The following PCDH11X variants were observed in gnomAD, a reference collection of about 807,000 sequenced individuals.
PCDH11X encodes the protein protocadherin 11 X-linked, also known as protocadherin-11 X-linked.
Under a neutral mutation model 53.3 loss-of-function variants are expected in PCDH11X, and 18 were observed. The observed-to-expected ratio is 0.34, with a 90% confidence interval of 0.23 to 0.50. The LOEUF is 0.50. Among genes scored for constraint, PCDH11X ranks in the 20% least tolerant of loss-of-function variants. The pLI, the probability that PCDH11X is intolerant of heterozygous loss-of-function variation, is 0.98. For synonymous variants in PCDH11X, 279 were observed against 393.3 expected (o/e 0.71, Z 3.44); for missense variants, 570 against 1,032.4 (o/e 0.55, Z 6.14).
intron 6 of PCDH11X, among the ~76,000 whole-genome samples, chrX:91,933,725 T>C (rs954003950): frequency 2.7e-5 from 3 of 111,475 alleles, no homozygotes; most frequent in Non-Finnish European, 5.7e-5. Flanking sequence ...TAAGCAGTTA[T>C]TCCTAAATTT....
chrX:91,881,367 G>A (rs1939896149), intron 6 of PCDH11X, among the ~76,000 whole-genome samples: 1 of 111,053 alleles, frequency 9.0e-6, no homozygotes, highest in South Asian at 3.7e-4. Context: ...TCAGTTATTG[G>A]TTGTTATCAG....
intron 4 of PCDH11X, among the ~76,000 whole-genome samples, chrX:91,825,253 G>A (rs1305790902): frequency 9.1e-6 from 1 of 109,516 alleles, no homozygotes; most frequent in Non-Finnish European, 1.9e-5. Context: ...CCTGGGCAAT[G>A]GCGGGTGCCC....
chrX:91,950,607 TAC>T (rs1555970215), intron 6 of PCDH11X, among the ~76,000 whole-genome samples: 3 of 97,775 alleles, frequency 3.1e-5, no homozygotes, highest in African/African-American at 1.2e-4. Context: ...TATATATATA[TAC>T]ACACACACAT....
intron 10 of PCDH11X, among the ~76,000 whole-genome samples, chrX:92,545,707 G>T (rs1315162352): frequency 9.0e-6 from 1 of 111,125 alleles, no homozygotes; most frequent in African/African-American, 3.3e-5. Flanking sequence ...AGCCTCAAGG[G>T]TTAAATTCTT....
Position 91,808,319 on chromosome X carries a change from A to G in PCDH11X, c.-378-1147A>G, listed in dbSNP as rs951366327. 7.1e-4 allele frequency among the ~76,000 whole-genome samples: 77 copies of G among 108,084 alleles called. 1 individual carries two copies. The highest frequency in any genetic ancestry group is 2.5e-3 in the South Asian group (6 of 2,369). The allele number at this position is 108,084 out of a possible 115,157, so 93.9% of individuals were successfully genotyped here. A position where few individuals can be genotyped will look rare whatever the true frequency, so the allele number is the denominator to read the frequency against. On this transcript the variant is annotated intron_variant, in intron 1 of 10. Coordinates refer to ENST00000682573, the MANE Select transcript of PCDH11X (RefSeq NM_032968.5). ...AGACCAGCCTGGCCAACACGGTGAA[A>G]CCCTGTCTCAACTAAAAATACAAAA...
In PCDH11X at chrX:92,266,620, C is replaced by A. The variant is rs192804960; in HGVS notation, c.3144+3477C>A. Among the ~76,000 whole-genome samples, 220 of 111,988 alleles carry A rather than the reference C, an allele frequency of 2.0e-3. 2 individuals carry two copies. The highest frequency in any genetic ancestry group is 6.8e-3 in the African/African-American group (209 of 30,940). On this transcript the variant is annotated intron_variant, in intron 8 of 10. Coordinates refer to ENST00000682573, the MANE Select transcript of PCDH11X (RefSeq NM_032968.5). ...CACAGCAGAAAAGAAGCAAATGCCA[C>A]ATGTCATAGTTCATTCATTCTTTAA...
chrX:92,458,553 C>T (rs980336925), intron 9 of PCDH11X, among the ~76,000 whole-genome samples: 2 of 111,288 alleles, frequency 1.8e-5, no homozygotes, highest in African/African-American at 6.5e-5. Flanking sequence ...CAGCCTTTGG[C>T]AATCATCATT....
intron 8 of PCDH11X, among the ~76,000 whole-genome samples, chrX:92,274,418 G>T (rs2068032895): frequency 9.0e-6 from 1 of 111,091 alleles, no homozygotes; most frequent in South Asian, 3.8e-4. Flanking sequence ...ACTGTATTGA[G>T]GTGGGAAGGC....
chrX:92,456,185 A>C (rs1359114261), intron 9 of PCDH11X, among the ~76,000 whole-genome samples: 4 of 111,714 alleles, frequency 3.6e-5, no homozygotes, highest in Non-Finnish European at 7.5e-5. Flanking sequence ...ATCTGAGCAC[A>C]ATGTGCATTC....
intron 6 of PCDH11X, among the ~76,000 whole-genome samples, chrX:92,183,884 A>G (rs2066043266): frequency 9.0e-6 from 1 of 111,081 alleles, no homozygotes; most frequent in Non-Finnish European, 1.9e-5. Context: ...TTTCTTGATC[A>G]CTCTATGTAA....
At chrX:92,219,085 A>C (rs1193476406) in intron 7 of PCDH11X, among the ~76,000 whole-genome samples, 1 of 111,124 alleles carries the variant, frequency 9.0e-6, no homozygotes, top group Non-Finnish European at 1.9e-5. Flanking sequence ...CCCATGGCCA[A>C]TATCATACTG....
intron 6 of PCDH11X, among the ~76,000 whole-genome samples, chrX:92,068,081 A>G (rs1426240315): frequency 9.1e-6 from 1 of 109,420 alleles, no homozygotes; most frequent in Non-Finnish European, 1.9e-5. Context: ...GTAAATTTTG[A>G]TTATATTTTC....
chrX:92,033,100 C>G (rs1026453141), intron 6 of PCDH11X, among the ~76,000 whole-genome samples: 22 of 109,224 alleles, frequency 2.0e-4, no homozygotes, highest in African/African-American at 7.4e-4. Context: ...AGTCACTGGG[C>G]CCAGCAAATG....
chrX:92,007,235 T>C (rs1343504928), intron 6 of PCDH11X, among the ~76,000 whole-genome samples: 1 of 112,061 alleles, frequency 8.9e-6, no homozygotes, highest in Non-Finnish European at 1.9e-5. Context: ...CCAGAAGAAC[T>C]GTTTGGTAGT....
rs182458088 is a variant in PCDH11X at position 92,527,766 on chromosome X, T to C, written c.3367+59444T>C. ...GGATCTAACATAATTGAGTATTTCTTGGGAAGAACATTTACTCATGTTTTC... is the reference window on the plus strand; with the variant it reads ...GGATCTAACATAATTGAGTATTTCTCGGGAAGAACATTTACTCATGTTTTC... On this transcript the variant is annotated intron_variant, in intron 10 of 10. Transcript: ENST00000682573. 2.6e-4 allele frequency among the ~76,000 whole-genome samples: 29 copies of C among 112,222 alleles called. No homozygotes were observed. The Admixed American group carries it at 2.7e-3, about 11-fold the overall frequency.
chrX:92,157,996 C>T (rs1285243603), intron 6 of PCDH11X, among the ~76,000 whole-genome samples: 2 of 111,057 alleles, frequency 1.8e-5, no homozygotes, highest in Admixed American at 1.9e-4. Flanking sequence ...GGGTGGATCA[C>T]CTGAGTTCAG....
At chrX:92,223,288 C>T (rs1569429420) in intron 7 of PCDH11X, among the ~76,000 whole-genome samples, 1 of 111,926 alleles carries the variant, frequency 8.9e-6, no homozygotes, top group Non-Finnish European at 1.9e-5. Context: ...TGCTTAGCCA[C>T]TACCTTCTTA....
chrX:91,926,107 CACACACAT>C lies in PCDH11X; in HGVS notation c.3033+46836_3033+46843del, dbSNP rs1168250024. On this transcript the variant is annotated intron_variant, in intron 6 of 10. Transcript: ENST00000682573. The stretch of plus-strand genomic sequence containing the variant: ...ACACACACACACACACACACACACA[CACACACAT>C]ATATATATAGAAGGAGATTTATTAT... Among the ~76,000 whole-genome samples, 152 of 91,457 alleles carry C rather than the reference CACACACAT, an allele frequency of 1.7e-3. No homozygotes were observed. The East Asian group carries it at 0.03, about 18-fold the overall frequency. The allele number at this position is 91,457 out of a possible 115,157, so 79.4% of individuals were successfully genotyped here.
At chrX:92,592,302 T>C (rs1925112284) in intron 10 of PCDH11X, among the ~76,000 whole-genome samples, 1 of 96,920 alleles carries the variant, frequency 1.0e-5, no homozygotes, top group Non-Finnish European at 2.1e-5. Context: ...TTTTCTTTTA[T>C]CTGAACTACC....
Sources: allele counts gnomAD v4.1 joint callset (sites outside exome capture counted in the v4.1 genomes callset), GRCh38; gene constraint gnomAD v4.1.1; transcripts MANE v1.5; gene names NCBI Gene and HGNC (gene_info 2026-07-23, HGNC 2026-07-21).